Variants in NFIC observed in about 807,000 individuals in gnomAD.
The protein encoded by NFIC is nuclear factor I C.
A neutral mutation model predicts 54.4 loss-of-function variants in NFIC; 12 were observed. The ratio of observed to expected loss-of-function variants is 0.22; its 90% confidence interval spans 0.14 to 0.36. The LOEUF (loss-of-function observed/expected upper bound fraction) is 0.36, where lower values mean the gene tolerates loss of function less well. NFIC is among the 10% of genes least tolerant of loss of function. The pLI, the probability that NFIC is intolerant of heterozygous loss-of-function variation, is 1.00. For synonymous variants in NFIC, 322 were observed against 319.2 expected, an observed-to-expected ratio of 1.01 and a Z score of -0.09; for missense variants, 575 against 718.2, an observed-to-expected ratio of 0.80 and a Z score of 2.28.
At chr19:3,386,426 G>A (rs1340236499) in intron 2 of NFIC, among the ~76,000 whole-genome samples, 1 of 147,576 alleles carries the variant, frequency 6.8e-6, no homozygotes, top group Admixed American at 7.0e-5. Context: ...GGGTTCAAGC[G>A]ATTCTCATGC....
At position 3,370,416 on chromosome 19, in the gene NFIC, TGC is replaced by T. The variant is rs1439644634; in HGVS notation, c.30+3755_30+3756del. Among the ~76,000 whole-genome samples the T allele has an allele frequency of 2.0e-5, 3 of 151,846 alleles. No individual in the cohort carries two copies. The highest frequency in any genetic ancestry group is 4.4e-5 in the Non-Finnish European group (3 of 67,936). On this transcript the variant is annotated intron_variant, in intron 1 of 10. Transcript: ENST00000443272. This position sits in a 1 kb window ranked among gnomAD's most constrained non-coding sequence, Gnocchi z 5.2. ...CCCCTCTCTGCGGCGGAGGTGCCTC[TGC>T]GCGCCAGGGCCAAGCGCCCTGTAAA...
chr19:3,426,343 C>T (rs984372655), intron 3 of NFIC, among the ~76,000 whole-genome samples: 5 of 151,970 alleles, frequency 3.3e-5, no homozygotes, highest in Non-Finnish European at 2.9e-5. Context: ...CTTCCCAAAG[C>T]GCTGGGATCA....
chr19:3,389,132 C>G (rs910914842), intron 2 of NFIC, among the ~76,000 whole-genome samples: 2 of 152,176 alleles, frequency 1.3e-5, no homozygotes, highest in Non-Finnish European at 2.9e-5. Flanking sequence ...GCAGGCCGTG[C>G]ACACTCAGGG....
intron 3 of NFIC, among the ~76,000 whole-genome samples, chr19:3,430,834 A>T: frequency 6.6e-6 from 1 of 150,660 alleles, no homozygotes; most frequent in East Asian, 2.0e-4. Context: ...TGGGAGGCTG[A>T]GACAGGAGAA....
In NFIC at chr19:3,407,409, G is replaced by A. The variant is rs149817135; in HGVS notation, c.563-17697G>A. On this transcript the variant is annotated intron_variant, in intron 2 of 10. Coordinates refer to ENST00000443272, the MANE Select transcript of NFIC (RefSeq NM_001245002.2). The stretch of plus-strand genomic sequence containing the variant: ...ATTACAGGCGTGAGCCACCGCGCCC[G>A]GCCCAATTGTTTGGTTTTGTTTTTG... Among the ~76,000 whole-genome samples, 325 of 149,134 alleles carry A rather than the reference G, an allele frequency of 2.2e-3. 1 individual carries two copies. The highest frequency in any genetic ancestry group is 7.7e-3 in the African/African-American group (311 of 40,420).
chr19:3,427,282 G>A (rs2082041970), intron 3 of NFIC, among the ~76,000 whole-genome samples: 2 of 152,048 alleles, frequency 1.3e-5, no homozygotes, highest in Non-Finnish European at 2.9e-5. Context: ...GTTAGTGATT[G>A]CCTATGGATT....
chr19:3,401,145 G>A (rs2081548745), intron 2 of NFIC, among the ~76,000 whole-genome samples: 1 of 152,222 alleles, frequency 6.6e-6, no homozygotes, highest in Admixed American at 6.5e-5. Flanking sequence ...AGCAGAGTGA[G>A]GAGAGGAAGA....
intron 4 of NFIC, among the ~76,000 whole-genome samples, chr19:3,434,030 A>T (rs2074977): frequency 4.6e-5 from 7 of 152,068 alleles, no homozygotes; most frequent in African/African-American, 1.4e-4. Flanking sequence ...TTCCCTGTCC[A>T]GATCAGCAGA....
In NFIC at chr19:3,442,983, T is replaced by C. The variant is rs559898508; in HGVS notation, c.959-6031T>C. Reference sequence around the variant, plus strand: ...ACACTGGCCGGTGTCTAGGGACATCTGTGGTTGTCACAACTGGGAGAGCTC... The same window carrying C: ...ACACTGGCCGGTGTCTAGGGACATCCGTGGTTGTCACAACTGGGAGAGCTC... On this transcript the variant is annotated intron_variant, in intron 6 of 10. Transcript: ENST00000443272. 1.2e-4 allele frequency among the ~76,000 whole-genome samples: 19 copies of C among 152,382 alleles called. No individual in the cohort carries two copies. The South Asian group carries it at 3.7e-3, about 30-fold the overall frequency.
intron 6 of NFIC, among the ~76,000 whole-genome samples, chr19:3,444,858 C>T (rs556134764): frequency 9.2e-5 from 14 of 152,362 alleles, no homozygotes; most frequent in East Asian, 7.7e-4. Context: ...TATGCACGCA[C>T]GTGCACAGGC....
In NFIC at chr19:3,369,573, G is replaced by A. The variant is rs972924471; in HGVS notation, c.30+2907G>A. ...GTGCCACCCGGGCCCGGCCCGCCGAGTGGGGAGTGGGTGCTGGCGGCCCTG... is the reference window on the plus strand; with the variant it reads ...GTGCCACCCGGGCCCGGCCCGCCGAATGGGGAGTGGGTGCTGGCGGCCCTG... On this transcript the variant is annotated intron_variant, in intron 1 of 10. Coordinates refer to ENST00000443272, the MANE Select transcript of NFIC (RefSeq NM_001245002.2). This position sits in a 1 kb window ranked among gnomAD's most constrained non-coding sequence, Gnocchi z 4.3. 3.3e-5 allele frequency among the ~76,000 whole-genome samples: 5 copies of A among 152,236 alleles called. No individual in the cohort carries two copies. The highest frequency in any genetic ancestry group is 2.1e-4 in the South Asian group (1 of 4,836).
Position 3,369,573 on chromosome 19 carries a change from G to C in NFIC, c.30+2907G>C, listed in dbSNP as rs972924471. Among the ~76,000 whole-genome samples the C allele has an allele frequency of 6.6e-6, 1 of 152,236 alleles. No individual in the cohort carries two copies. The highest frequency in any genetic ancestry group is 2.4e-5 in the African/African-American group (1 of 41,466). ...GTGCCACCCGGGCCCGGCCCGCCGA[G>C]TGGGGAGTGGGTGCTGGCGGCCCTG... On this transcript the variant is annotated intron_variant, in intron 1 of 10. Coordinates refer to ENST00000443272, the MANE Select transcript of NFIC (RefSeq NM_001245002.2). This position sits in a 1 kb window ranked among gnomAD's most constrained non-coding sequence, Gnocchi z 4.3.
chr19:3,411,851 A>G (rs530771412), intron 2 of NFIC, among the ~76,000 whole-genome samples: 2 of 152,124 alleles, frequency 1.3e-5, no homozygotes. Context: ...GCAATCATGA[A>G]TATATATTGA....
intron 2 of NFIC, among the ~76,000 whole-genome samples, chr19:3,402,184 T>A (rs1239256229): frequency 1.3e-5 from 2 of 152,244 alleles, no homozygotes; most frequent in South Asian, 2.1e-4. Flanking sequence ...TAGCTGGGAC[T>A]ACAGGCATGT....
intron 1 of NFIC, chr19:3,371,607 G>C (rs1386162800): frequency 2.0e-5 from 3 of 152,134 alleles, no homozygotes. Context: ...ACTTTCCTCA[G>C]AGACATCGAT....
In NFIC at chr19:3,450,011, C is replaced by T. The variant is rs552082498; in HGVS notation, c.1084+872C>T. ...CAGAGGTTGCGGTGAGGCGAGTTCA[C>T]GCCATTGCACTCCAACCTGGGCGAC... On this transcript the variant is annotated intron_variant, in intron 7 of 10. Coordinates refer to ENST00000443272, the MANE Select transcript of NFIC (RefSeq NM_001245002.2). Among the ~76,000 whole-genome samples the T allele has an allele frequency of 8.7e-5, 13 of 148,736 alleles. No homozygotes were observed. The South Asian group carries it at 2.1e-3, about 24-fold the overall frequency.
In NFIC at chr19:3,462,962, G is replaced by A. The variant is rs1409622848; in HGVS notation, c.*193G>A. ...AGGAAAAGAAAAAACAAAGGCAGAA[G>A]AAGAAGAAGAAGAAATAAAAACCCA... On this transcript the variant is annotated 3_prime_UTR_variant, in exon 11 of 11. Transcript: ENST00000443272. 1 of 1,416,484 alleles carries A rather than the reference G, an allele frequency of 7.1e-7. No homozygotes were observed. 87.7% of individuals were successfully genotyped at this position (1,416,484 alleles called of 1,614,324 possible).
chr19:3,413,398 G>T (rs540439968), intron 2 of NFIC, among the ~76,000 whole-genome samples: 2 of 152,106 alleles, frequency 1.3e-5, no homozygotes, highest in Non-Finnish European at 2.9e-5. Flanking sequence ...TACAGCAAAG[G>T]CTCAACTGTG....
chr19:3,365,104 C>T (rs1315510209), upstream of NFIC, among the ~76,000 whole-genome samples: 1 of 152,152 alleles, frequency 6.6e-6, no homozygotes, highest in Non-Finnish European at 1.5e-5. Context: ...CTGCTCCCTC[C>T]TAGTTTACCT....
Sources: gnomAD v4.1 joint callset for allele counts (sites outside exome capture counted in the v4.1 genomes callset) on GRCh38, gnomAD v4.1.1 for gene constraint, Gnocchi (gnomAD v3.1) non-coding constraint, MANE v1.5 for transcripts, NCBI Gene and HGNC (gene_info 2026-07-23, HGNC 2026-07-21) for gene names.